The following FARP1 variants were observed in gnomAD, a reference collection of about 807,000 sequenced individuals.
The protein encoded by FARP1 is FERM, ARH/RhoGEF and pleckstrin domain protein 1.
Under a neutral mutation model 128.8 loss-of-function variants are expected in FARP1, and 52 were observed. The observed-to-expected ratio is 0.40, with a 90% CI of 0.32 to 0.51. The LOEUF is 0.51. FARP1 is among the 20% of genes least tolerant of loss of function. The probability of loss-of-function intolerance (pLI) is 0.45; values close to 1 mark genes in which losing one functional copy is unlikely to be tolerated. For synonymous variants in FARP1, 580 were observed against 551.8 expected, an observed-to-expected ratio of 1.05 and a Z score of -0.72; for missense variants, 1,333 against 1,367.9, an observed-to-expected ratio of 0.97 and a Z score of 0.40.
At chr13:98,197,199 G>C (rs1879614079) in intron 1 of FARP1, among the ~76,000 whole-genome samples, 5 of 152,204 alleles carry the variant, frequency 3.3e-5, no homozygotes, top group Admixed American at 2.6e-4. Context: ...AGGCGTGGTG[G>C]CTCACGCCTG....
rs376255939 is a variant in FARP1, at chr13:98,409,389, G to C, written c.1466G>C (p.Gly489Ala). ...TCCGAGCTGTCTGTGAACTCGCAGG[G>C]GGGAGTGGCCCCTGCCAACGTGACC... ...HLSELSVNSQ[G>A]GVAPANVTLS... The change falls in exon 14 of 27, where the codon GGG (glycine) becomes GCG (alanine). Residue 489 changes from glycine (G) to alanine (A), a missense_variant. Coordinates refer to ENST00000319562, the MANE Select transcript of FARP1 (RefSeq NM_005766.4). 46 of 1,613,924 alleles carry C rather than the reference G, an allele frequency of 2.9e-5. No homozygotes were observed. The highest frequency in any genetic ancestry group is 3.5e-5 in the Non-Finnish European group (41 of 1,180,012).
At chr13:98,391,873 GC>G (rs1890318296) in intron 11 of FARP1, among the ~76,000 whole-genome samples, 1 of 152,150 alleles carries the variant, frequency 6.6e-6, no homozygotes, top group African/African-American at 2.4e-5. Flanking sequence ...CGGAGGATAG[GC>G]CTCAAGAACT....
intron 2 of FARP1, among the ~76,000 whole-genome samples, chr13:98,215,667 C>T (rs781388626): frequency 9.2e-5 from 14 of 152,212 alleles, no homozygotes; most frequent in Non-Finnish European, 1.6e-4. Context: ...TCTAGCATGG[C>T]ACCTGGCATA....
intron 1 of FARP1, among the ~76,000 whole-genome samples, chr13:98,185,265 A>G (rs1449588982): frequency 9.2e-5 from 14 of 152,232 alleles, no homozygotes; most frequent in African/African-American, 2.2e-4. Flanking sequence ...ATTTAACAGC[A>G]GGTCCCCATG....
At chr13:98,395,204 AC>A (rs758959231) in intron 12 of FARP1, 22 bp from the exon 13 acceptor site, 14 of 1,576,034 alleles carry the variant, frequency 8.9e-6, no homozygotes, top group Non-Finnish European at 1.2e-5. Flanking sequence ...ATCTCTCCGC[AC>A]CTTTTTCCCC....
At chr13:98,163,179 G>A (rs1170448880) in intron 1 of FARP1, among the ~76,000 whole-genome samples, 1 of 152,202 alleles carries the variant, frequency 6.6e-6, no homozygotes, top group Non-Finnish European at 1.5e-5. Flanking sequence ...GAACATAGAT[G>A]GAACTGGAAG....
chr13:98,177,150 C>T (rs1292417750), intron 1 of FARP1: 3 of 1,607,174 alleles, frequency 1.9e-6, no homozygotes, highest in South Asian at 1.1e-5. Flanking sequence ...GGCCTGCAGC[C>T]CCTTTCCGTC....
intron 2 of FARP1, among the ~76,000 whole-genome samples, chr13:98,276,433 A>G (rs1375332525): frequency 7.9e-5 from 12 of 152,178 alleles, no homozygotes; most frequent in African/African-American, 1.4e-4. Flanking sequence ...AGTTGAAAAA[A>G]AGCAAAACAC....
chr13:98,363,776 C>G (rs1566919530), intron 3 of FARP1, among the ~76,000 whole-genome samples: 1 of 152,188 alleles, frequency 6.6e-6, no homozygotes, highest in Non-Finnish European at 1.5e-5. Flanking sequence ...GAGTCTCGCT[C>G]TGTCCCCCAG....
intron 24 of FARP1, 60 bp downstream of exon 24, chr13:98,440,896 C>G: frequency 6.6e-7 from 1 of 1,503,898 alleles, no homozygotes. Context: ...AGAACCCAGG[C>G]AAACTTCTGG....
intron 12 of FARP1, 36 bp from the exon 13 acceptor site, chr13:98,395,191 T>C (rs761719911): frequency 6.4e-7 from 1 of 1,560,104 alleles, no homozygotes; most frequent in Admixed American, 1.8e-5. Context: ...CTCCCTCTTC[T>C]CTATCTCTCC....
chr13:98,231,056 GC>G (rs962026865), intron 2 of FARP1, among the ~76,000 whole-genome samples: 83 of 151,614 alleles, frequency 5.5e-4, no homozygotes, highest in Non-Finnish European at 7.1e-4. Flanking sequence ...GGGGGGAACT[GC>G]CCCCCCCATA....
At chr13:98,416,365 C>T (rs1191284786) in intron 16 of FARP1, among the ~76,000 whole-genome samples, 1 of 152,200 alleles carries the variant, frequency 6.6e-6, no homozygotes, top group East Asian at 1.9e-4. Flanking sequence ...CTGCAATATA[C>T]TTCCATCAAC....
intron 2 of FARP1, among the ~76,000 whole-genome samples, chr13:98,217,292 G>T (rs1881123822): frequency 6.6e-6 from 1 of 151,714 alleles, no homozygotes; most frequent in South Asian, 2.1e-4. Flanking sequence ...AAAATGCTTG[G>T]GGAAGATGCT....
chr13:98,407,399 CATT>C (rs1304568267), intron 13 of FARP1: 27 of 151,868 alleles, frequency 1.8e-4, no homozygotes, highest in Admixed American at 1.8e-3. Context: ...AGTTCTAACT[CATT>C]GTCACCATTT....
chr13:98,259,882 A>AGTGTGTGTGTGTGT (rs60886784), intron 2 of FARP1, among the ~76,000 whole-genome samples: 9,357 of 128,704 alleles, frequency 0.073, 493 homozygotes, highest in South Asian at 0.12. Flanking sequence ...ATACCTGAAA[A>AGTGTGTGTGTGTGT]GTGTGTGTGT....
intron 2 of FARP1, among the ~76,000 whole-genome samples, chr13:98,306,680 A>G (rs377551552): frequency 0.016 from 575 of 36,792 alleles, no homozygotes; most frequent in Middle Eastern, 0.043. Flanking sequence ...ACACCCGGCT[A>G]ACTTTTTTTT....
chr13:98,176,674 C>T lies in FARP1; in HGVS notation c.-24+33182C>T, dbSNP rs140282190. The T allele has an allele frequency of 5.5e-5, 89 of 1,614,228 alleles. No homozygotes were observed. In the African/African-American group the frequency reaches 1.0e-3, roughly 18 times the overall value. On this transcript the variant is annotated intron_variant, in intron 1 of 26. Coordinates refer to ENST00000319562, the MANE Select transcript of FARP1 (RefSeq NM_005766.4). This position sits in a 1 kb window ranked among gnomAD's most constrained non-coding sequence, Gnocchi z 6.2. Reference sequence around the variant, plus strand: ...GCAGATGTCAGGCTGGTAATCCCAGCGCACAGTGGCGCGCAGATGCCCTGG... The same window carrying T: ...GCAGATGTCAGGCTGGTAATCCCAGTGCACAGTGGCGCGCAGATGCCCTGG...
chr13:98,433,544 C>G (rs1255721299), intron 18 of FARP1: 1 of 152,300 alleles, frequency 6.6e-6, no homozygotes, highest in Non-Finnish European at 1.5e-5. Context: ...GCCTGGGCAA[C>G]ACAGTGAGAC....
Sources: allele counts gnomAD v4.1 joint callset (sites outside exome capture counted in the v4.1 genomes callset), GRCh38; gene constraint gnomAD v4.1.1; non-coding constraint Gnocchi (gnomAD v3.1); transcripts MANE v1.5; gene names NCBI Gene and HGNC (gene_info 2026-07-23, HGNC 2026-07-21).